The following HELQ variants were observed in gnomAD, a reference collection of about 807,000 sequenced individuals.
HELQ encodes helicase, POLQ like.
A neutral mutation model predicts 111.6 loss-of-function variants in HELQ; 77 were observed. The observed-to-expected ratio is 0.69, with a 90% CI of 0.57 to 0.83. The LOEUF is 0.83. HELQ is among the 40% of genes least tolerant of loss of function. The probability of loss-of-function intolerance (pLI) is 0.00; values close to 1 mark genes in which losing one functional copy is unlikely to be tolerated. For synonymous variants in HELQ, 438 were observed against 454.7 expected (o/e 0.96, Z 0.47); for missense variants, 1,200 against 1,288.5 (o/e 0.93, Z 1.05).
At chr4:83,434,095 G>T (rs1248928565) in intron 9 of HELQ, among the ~76,000 whole-genome samples, 5 of 152,054 alleles carry the variant, frequency 3.3e-5, no homozygotes, top group South Asian at 2.1e-4. Flanking sequence ...GAAGGGCCAG[G>T]TGTGGTGGCT....
At chr4:83,408,172 A>G (rs1738888285) in intron 17 of HELQ, among the ~76,000 whole-genome samples, 1 of 152,236 alleles carries the variant, frequency 6.6e-6, no homozygotes, top group Non-Finnish European at 1.5e-5. Flanking sequence ...TTACTATAAT[A>G]CAGAGAATAT....
At chr4:83,417,970 G>T in intron 16 of HELQ, 123 bp downstream of exon 16, 1 of 506,230 alleles carries the variant, frequency 2.0e-6, no homozygotes, top group Non-Finnish European at 3.6e-6. Context: ...AGATTCCCAT[G>T]ACAAATGAGC....
intron 8 of HELQ, among the ~76,000 whole-genome samples, chr4:83,437,793 G>C (rs1039994660): frequency 6.6e-6 from 1 of 151,930 alleles, no homozygotes; most frequent in African/African-American, 2.4e-5. Flanking sequence ...TATCTTTATA[G>C]GGGATAGTTT....
intron 17 of HELQ, among the ~76,000 whole-genome samples, chr4:83,412,262 TAAG>T (rs1253105825): frequency 6.6e-6 from 1 of 152,224 alleles, no homozygotes; most frequent in East Asian, 1.9e-4. Context: ...GTCTTCAGAT[TAAG>T]AAGAACTGTA....
In HELQ at chr4:83,440,028, A is replaced by C; in HGVS notation, c.1663-20T>G. On this transcript the variant is annotated intron_variant, in intron 7 of 17. Coordinates refer to ENST00000295488, the MANE Select transcript of HELQ (RefSeq NM_133636.5). ...AGAATACTGCAAAACAACAAGATGT[A>C]GGAACAAAGTGGTTAGTAAACATGA... 1.3e-6 allele frequency: 2 copies of C among 1,597,260 alleles called. No homozygotes were observed. Among genetic ancestry groups the C allele is most frequent in the Middle Eastern group, 1.7e-4 (1 of 6,034 alleles).
At chr4:83,408,684 G>A (rs1407939489) in intron 17 of HELQ, among the ~76,000 whole-genome samples, 1 of 151,732 alleles carries the variant, frequency 6.6e-6, no homozygotes, top group East Asian at 1.9e-4. Flanking sequence ...AAAGTGCTGG[G>A]ATTATAGTGT....
At chr4:83,437,783 T>C (rs1291335830) in intron 8 of HELQ, among the ~76,000 whole-genome samples, 2 of 152,122 alleles carry the variant, frequency 1.3e-5, no homozygotes, top group Non-Finnish European at 2.9e-5. Flanking sequence ...TTATAACATA[T>C]ATCTTTATAG....
intron 8 of HELQ, among the ~76,000 whole-genome samples, chr4:83,439,367 CTTTTT>C (rs34289754): frequency 1.4e-5 from 2 of 144,408 alleles, no homozygotes; most frequent in Non-Finnish European, 3.0e-5. Context: ...GCCTGGTCTT[CTTTTT>C]TTTTTTTGAT....
chr4:83,439,365 TTC>T (rs762014749), intron 8 of HELQ, among the ~76,000 whole-genome samples: 73 of 119,190 alleles, frequency 6.1e-4, no homozygotes, highest in Middle Eastern at 5.1e-3. Context: ...GTGCCTGGTC[TTC>T]TTTTTTTTTT....
chr4:83,413,416 G>A (rs372570890), intron 17 of HELQ, among the ~76,000 whole-genome samples: 1 of 152,198 alleles, frequency 6.6e-6, no homozygotes, highest in East Asian at 1.9e-4. Context: ...AGTGTTGAGT[G>A]GGGGAACAAC....
At chr4:83,441,770 C>CTTTTTT (rs34655032) in intron 6 of HELQ, among the ~76,000 whole-genome samples, 10 of 123,870 alleles carry the variant, frequency 8.1e-5, no homozygotes, top group Non-Finnish European at 1.7e-4. Flanking sequence ...AAAACTTTGT[C>CTTTTTT]TTTTTTTTTT....
intron 2 of HELQ, among the ~76,000 whole-genome samples, chr4:83,450,455 CTG>C (rs1213282779): frequency 1.3e-5 from 2 of 151,370 alleles, no homozygotes; most frequent in Non-Finnish European, 2.9e-5. Context: ...CTACAAGTGA[CTG>C]TGAATATTTT....
chr4:83,448,687 G>T, intron 3 of HELQ, 96 bp downstream of exon 3: 2 of 947,422 alleles, frequency 2.1e-6, no homozygotes, highest in Non-Finnish European at 3.0e-6. Flanking sequence ...AAAAAAAAGA[G>T]GTACTTCTCA....
At chr4:83,423,958 CA>C (rs1176155228) in intron 14 of HELQ, among the ~76,000 whole-genome samples, 4 of 151,604 alleles carry the variant, frequency 2.6e-5, no homozygotes, top group Non-Finnish European at 4.4e-5. Context: ...CAAGAATGTT[CA>C]AAAAAGGTCA....
rs751759300 is a variant in HELQ, at chr4:83,437,037, A to G, written c.1869T>C (p.Ile623=). ...KCEVIKNLKN[I]GNGNLCPVLK... is the part of the protein sequence containing the mutation. The stretch of plus-strand genomic sequence containing the variant: ...AAACAGGACACAGGTTGCCATTGCC[A>G]ATATTCTTCAAGTTCTTAATCACCT... The change falls in exon 9 of 18, where the codon ATT becomes ATC. Residue 623 remains isoleucine, a synonymous_variant. Coordinates refer to ENST00000295488, the MANE Select transcript of HELQ (RefSeq NM_133636.5). 5 of 1,613,812 alleles carry G rather than the reference A, an allele frequency of 3.1e-6. No individual in the cohort carries two copies. The Admixed American group carries it at 6.7e-5, about 22-fold the overall frequency.
chr4:83,440,722 T>G (rs553710765), intron 7 of HELQ, among the ~76,000 whole-genome samples: 1 of 152,074 alleles, frequency 6.6e-6, no homozygotes, highest in East Asian at 1.9e-4. Flanking sequence ...AATTATTCTT[T>G]TGTTGTTGTT....
intron 16 of HELQ, among the ~76,000 whole-genome samples, 174 bp downstream of exon 16, chr4:83,417,919 G>A (rs764855407): frequency 1.2e-4 from 18 of 151,778 alleles, no homozygotes; most frequent in Admixed American, 9.8e-4. Context: ...TAGTAACAGC[G>A]GATTTCTGGA....
Position 83,436,933 on chromosome 4 carries a change from G to C in HELQ, c.1973C>G (p.Ala658Gly). 6.2e-7 allele frequency: 1 copy of C among 1,614,140 alleles called. No individual in the cohort carries two copies. Among genetic ancestry groups the C allele is most frequent in the Non-Finnish European group, 8.5e-7 (1 of 1,180,008 alleles). ...TSDERKLLEE[A>G]YSTGVLCLFT... ...AAGACAGAGCACTCCTGTGGAGTAG[G>C]CCTCCTCCAAGAGTTTCCTTTCATC... The change falls in exon 9 of 18, where the codon GCC (alanine) becomes GGC (glycine). Residue 658 changes from alanine to glycine, a missense_variant. Ala to Gly is a moderately conservative substitution (Grantham distance 60). This residue lies in a region of HELQ where 585 missense variants were observed against 665.3 expected (regional missense o/e 0.88). Transcript: ENST00000295488.
At chr4:83,447,567 C>T (rs1380886636) in intron 3 of HELQ, among the ~76,000 whole-genome samples, 1 of 151,952 alleles carries the variant, frequency 6.6e-6, no homozygotes, top group African/African-American at 2.4e-5. Context: ...GCCTTTGATA[C>T]CAAAAAGCAT....
Sources: gnomAD v4.1 joint callset for allele counts (sites outside exome capture counted in the v4.1 genomes callset) on GRCh38, gnomAD v4.1.1 for gene constraint, gnomAD v4.1.1 regional missense constraint, MANE v1.5 for transcripts, NCBI Gene and HGNC (gene_info 2026-07-23, HGNC 2026-07-21) for gene names.